Variants in CHCHD6 observed in about 807,000 individuals in gnomAD.
CHCHD6 encodes coiled-coil-helix-coiled-coil-helix domain containing 6, also known as MICOS complex subunit MIC25.
A neutral mutation model predicts 32.3 loss-of-function variants in CHCHD6; 28 were observed. The observed-to-expected ratio is 0.87, with a 90% CI of 0.64 to 1.19. The LOEUF is 1.19. Among genes scored for constraint, CHCHD6 ranks in the 50% most tolerant of loss-of-function variants. CHCHD6 has a pLI of 0.00. For missense variants in CHCHD6, 333 were observed against 307.0 expected (o/e 1.08, Z -0.63); for synonymous variants, 122 against 117.5 (o/e 1.04, Z -0.25).
intron 4 of CHCHD6, among the ~76,000 whole-genome samples, chr3:126,800,863 G>C (rs1274342410): frequency 6.6e-6 from 1 of 152,070 alleles, no homozygotes; most frequent in South Asian, 2.1e-4. Flanking sequence ...CAAGTGAAAA[G>C]CTTCATAAAC....
intron 6 of CHCHD6, chr3:126,952,879 G>T: frequency 1.3e-6 from 1 of 743,308 alleles, no homozygotes. Context: ...TGGGGGCTCT[G>T]GGAGTCAGGC....
Position 126,808,119 on chromosome 3 carries a change from A to G in CHCHD6, c.412-44528A>G, listed in dbSNP as rs191303820. Among the ~76,000 whole-genome samples the G allele has an allele frequency of 8.5e-5, 13 of 152,302 alleles. No individual in the cohort carries two copies. In the East Asian group the frequency reaches 2.5e-3, roughly 29 times the overall value. ...ATGTTGTTAGGGCTACGATCATCCGAAGGCTTGTTGGGGGTTGGATCCATT... is the reference window on the plus strand; with the variant it reads ...ATGTTGTTAGGGCTACGATCATCCGGAGGCTTGTTGGGGGTTGGATCCATT... On this transcript the variant is annotated intron_variant, in intron 4 of 7. Transcript: ENST00000290913.
intron 1 of CHCHD6, among the ~76,000 whole-genome samples, chr3:126,721,702 C>A (rs1245037993): frequency 3.6e-5 from 5 of 140,770 alleles, no homozygotes; most frequent in African/African-American, 1.1e-4. Flanking sequence ...ATTTTCATCA[C>A]CCCCACCCCC....
intron 4 of CHCHD6, among the ~76,000 whole-genome samples, chr3:126,811,972 G>A (rs1055899346): frequency 3.9e-5 from 6 of 152,136 alleles, no homozygotes; most frequent in Non-Finnish European, 8.8e-5. Flanking sequence ...ATTTGCAAAT[G>A]AATTTCCATC....
At chr3:126,789,595 T>A (rs1037412994) in intron 4 of CHCHD6, among the ~76,000 whole-genome samples, 1 of 152,228 alleles carries the variant, frequency 6.6e-6, no homozygotes, top group African/African-American at 2.4e-5. Flanking sequence ...TTTGTCTCTT[T>A]TGATCTTTGT....
chr3:126,789,893 T>C (rs1443607750), intron 4 of CHCHD6, among the ~76,000 whole-genome samples: 2 of 127,326 alleles, frequency 1.6e-5, no homozygotes, highest in African/African-American at 4.0e-5. Context: ...ATTTTGCTCG[T>C]TAGTTGATGC....
chr3:126,821,769 A>G (rs1252928399), intron 4 of CHCHD6, among the ~76,000 whole-genome samples: 2 of 150,588 alleles, frequency 1.3e-5, no homozygotes, highest in African/African-American at 5.0e-5. Flanking sequence ...TAACTATTGT[A>G]GTGAGTGTGA....
In CHCHD6 at chr3:126,730,630, G is replaced by A; in HGVS notation, c.266G>A (p.Arg89Lys). 3 of 1,613,600 alleles carry A rather than the reference G, an allele frequency of 1.9e-6. No homozygotes were observed. Among genetic ancestry groups the A allele is most frequent in the Non-Finnish European group, 2.5e-6 (3 of 1,179,718 alleles). The change falls in exon 3 of 8, where the codon AGG becomes AAG. Residue 89 changes from arginine to lysine, a missense_variant and splice_region_variant. Transcript: ENST00000290913. The part of the protein sequence containing the change: ...QPSGMKEGVK[R>K]YEQEHAAIQD... ...TCAGGGATGAAGGAGGGTGTCAAGA[G>A]GTGAGCCCGAGAGCCTGCTTGCTCC...
In CHCHD6 at chr3:126,957,246, A is replaced by T. The variant is rs2078798391; in HGVS notation, c.567-170A>T. On this transcript the variant is annotated intron_variant, in intron 6 of 7. Coordinates refer to ENST00000290913, the MANE Select transcript of CHCHD6 (RefSeq NM_032343.3). The stretch of plus-strand genomic sequence containing the variant: ...GGCTTGACCCTGCGACCGTCCTCTC[A>T]TTTCTAGAACGGGAAAGCACAGTGC... 3 of 746,154 alleles carry T rather than the reference A, an allele frequency of 4.0e-6. No individual in the cohort carries two copies. In the Admixed American group the frequency reaches 7.4e-5, roughly 18 times the overall value. 46.2% of individuals were successfully genotyped at this position (746,154 alleles called of 1,614,324 possible). A position where few individuals can be genotyped will look rare whatever the true frequency, so the allele number is the denominator to read the frequency against.
At chr3:126,952,573 G>T (rs2078729787) in intron 6 of CHCHD6, among the ~76,000 whole-genome samples, 1 of 152,194 alleles carries the variant, frequency 6.6e-6, no homozygotes, top group Non-Finnish European at 1.5e-5. Flanking sequence ...GCCGTCAGCT[G>T]AGCAGTGAGG....
intron 4 of CHCHD6, among the ~76,000 whole-genome samples, chr3:126,808,302 T>C (rs1411446818): frequency 6.6e-6 from 1 of 152,170 alleles, no homozygotes; most frequent in Admixed American, 6.5e-5. Flanking sequence ...AAGCTAATCT[T>C]GGAAGGGACA....
At chr3:126,789,313 A>G (rs1270051329) in intron 4 of CHCHD6, among the ~76,000 whole-genome samples, 1 of 152,122 alleles carries the variant, frequency 6.6e-6, no homozygotes, top group Non-Finnish European at 1.5e-5. Flanking sequence ...TTTGGGGTGG[A>G]GAGTTCTGTA....
chr3:126,852,414 C>T (rs1008331536), intron 4 of CHCHD6, among the ~76,000 whole-genome samples: 1 of 152,118 alleles, frequency 6.6e-6, no homozygotes, highest in African/African-American at 2.4e-5. Flanking sequence ...CTCCCATAAT[C>T]AATAAATGTT....
chr3:126,948,684 G>C (rs900528584), intron 6 of CHCHD6, among the ~76,000 whole-genome samples: 1 of 152,160 alleles, frequency 6.6e-6, no homozygotes, highest in Non-Finnish European at 1.5e-5. Context: ...AACTTGACCA[G>C]GTTGTCTTCT....
intron 6 of CHCHD6, chr3:126,949,207 G>C (rs1210191300): frequency 6.5e-6 from 1 of 153,750 alleles, no homozygotes; most frequent in Non-Finnish European, 1.4e-5. Context: ...GAGCCAAGGA[G>C]AACAGAAGGG....
chr3:126,786,974 T>A (rs976543548), intron 4 of CHCHD6, among the ~76,000 whole-genome samples: 1 of 152,242 alleles, frequency 6.6e-6, no homozygotes, highest in African/African-American at 2.4e-5. Flanking sequence ...CATTTAAGTC[T>A]TTAATCCATC....
At chr3:126,859,617 A>G (rs1941786309) in intron 5 of CHCHD6, among the ~76,000 whole-genome samples, 1 of 152,216 alleles carries the variant, frequency 6.6e-6, no homozygotes, top group Non-Finnish European at 1.5e-5. Flanking sequence ...GAATCCTTGC[A>G]GCAACCCTGT....
chr3:126,745,932 G>T (rs1038238744), intron 4 of CHCHD6, among the ~76,000 whole-genome samples: 1 of 152,152 alleles, frequency 6.6e-6, no homozygotes, highest in African/African-American at 2.4e-5. Context: ...GCCCACTTGG[G>T]TGTGTTCTTA....
chr3:126,952,292 G>T (rs2078726522), intron 6 of CHCHD6, among the ~76,000 whole-genome samples: 1 of 152,162 alleles, frequency 6.6e-6, no homozygotes, highest in Admixed American at 6.5e-5. Flanking sequence ...AGCTGGACCA[G>T]CTGGGTGTTG....
Sources: gnomAD v4.1 joint callset for allele counts (sites outside exome capture counted in the v4.1 genomes callset) on GRCh38, gnomAD v4.1.1 for gene constraint, MANE v1.5 for transcripts, NCBI Gene and HGNC (gene_info 2026-07-23, HGNC 2026-07-21) for gene names.